FAM184B: variants seen among roughly 807,000 people sequenced by gnomAD.
The protein encoded by FAM184B is protein FAM184B.
Under a neutral mutation model 135.9 loss-of-function variants are expected in FAM184B, and 111 were observed. The observed-to-expected ratio is 0.82, with a 90% CI of 0.70 to 0.96. The LOEUF (loss-of-function observed/expected upper bound fraction) is 0.96. FAM184B is among the 40% of genes least tolerant of loss of function. The pLI, the probability that FAM184B is intolerant of heterozygous loss-of-function variation, is 0.00. For missense variants in FAM184B, 1,375 were observed against 1,323.9 expected (o/e 1.04, Z -0.60); for synonymous variants, 552 against 524.8 (o/e 1.05, Z -0.71).
intron 1 of FAM184B, 22 bp from the exon 2 acceptor site, chr4:17,709,666 C>A: frequency 6.8e-7 from 1 of 1,471,190 alleles, no homozygotes. Flanking sequence ...TCAACAGAGC[C>A]CAGTTAGGGT....
chr4:17,755,499 G>T (rs1230582294), intron 1 of FAM184B, among the ~76,000 whole-genome samples: 3 of 152,208 alleles, frequency 2.0e-5, no homozygotes, highest in Non-Finnish European at 4.4e-5. Context: ...AGACAGCGTG[G>T]TGATTCCTTA....
intron 7 of FAM184B, among the ~76,000 whole-genome samples, chr4:17,685,758 ATGC>A (rs1311620465): frequency 3.9e-5 from 6 of 151,958 alleles, no homozygotes; most frequent in African/African-American, 1.2e-4. Flanking sequence ...AAGGCCAAGG[ATGC>A]TGCTATACAT....
intron 1 of FAM184B, among the ~76,000 whole-genome samples, chr4:17,716,365 G>A (rs904242979): frequency 1.3e-5 from 2 of 151,934 alleles, no homozygotes; most frequent in African/African-American, 4.8e-5. Context: ...TGTTTTTTGA[G>A]AGACAGGGTC....
intron 7 of FAM184B, among the ~76,000 whole-genome samples, chr4:17,669,890 G>T (rs1341142259): frequency 6.6e-6 from 1 of 152,176 alleles, no homozygotes; most frequent in Non-Finnish European, 1.5e-5. Context: ...TTTATGTGAG[G>T]TCATATAGTG....
chr4:17,681,476 T>C (rs766418300), intron 7 of FAM184B, among the ~76,000 whole-genome samples: 3 of 152,214 alleles, frequency 2.0e-5, no homozygotes, highest in African/African-American at 4.8e-5. Flanking sequence ...CCTTGTTCCA[T>C]GTCAGGTGGA....
At chr4:17,765,976 T>C (rs527257380) in intron 1 of FAM184B, among the ~76,000 whole-genome samples, 3 of 152,162 alleles carry the variant, frequency 2.0e-5, no homozygotes, top group East Asian at 3.9e-4. Context: ...GGTTATTCAT[T>C]CCCCCCGGCA....
intron 10 of FAM184B, among the ~76,000 whole-genome samples, chr4:17,656,673 A>G (rs1715784055): frequency 2.0e-5 from 3 of 152,202 alleles, no homozygotes; most frequent in Admixed American, 2.0e-4. Flanking sequence ...AAGTGCTGGC[A>G]TTACAGGCGT....
At chr4:17,676,064 G>A (rs900662146) in intron 7 of FAM184B, among the ~76,000 whole-genome samples, 2 of 152,166 alleles carry the variant, frequency 1.3e-5, no homozygotes, top group Non-Finnish European at 2.9e-5. Context: ...TTCAGCACAA[G>A]ATGCCTAGCT....
intron 1 of FAM184B, among the ~76,000 whole-genome samples, chr4:17,762,551 C>A (rs1471147341): frequency 2.0e-5 from 3 of 152,196 alleles, no homozygotes; most frequent in African/African-American, 7.2e-5. Context: ...CTAAACCACA[C>A]AAGTACACTT....
At chr4:17,660,559 TC>T (rs1715893167) in intron 8 of FAM184B, among the ~76,000 whole-genome samples, 1 of 152,048 alleles carries the variant, frequency 6.6e-6, no homozygotes, top group Admixed American at 6.6e-5. Context: ...TTTACTGGTG[TC>T]CCCAAGTACA....
At chr4:17,664,253 T>C (rs1442044059) in intron 8 of FAM184B, among the ~76,000 whole-genome samples, 1 of 152,174 alleles carries the variant, frequency 6.6e-6, no homozygotes, top group East Asian at 1.9e-4. Flanking sequence ...AAAGAACACT[T>C]GGAAACATAG....
In FAM184B at chr4:17,781,229, G is replaced by T; in HGVS notation, c.71C>A (p.Ala24Asp). The part of the protein sequence containing the change: ...TCQGSKADGG[A>D]GWRMDCDPQM... ...GGGATCACAGTCCATTCTCCAGCCG[G>T]CGCCACCGTCGGCTTTGGAGCCCTG... Residue 24 changes from alanine to aspartate, a missense_variant, in exon 1 of 18, where the codon GCC becomes GAC. Ala to Asp is a moderately radical substitution (Grantham distance 126). Transcript: ENST00000265018. This position sits in a 1 kb window ranked among gnomAD's most constrained non-coding sequence, Gnocchi z 6.5. The T allele has an allele frequency of 6.4e-7, 1 of 1,550,964 alleles. No individual in the cohort carries two copies. Among genetic ancestry groups the T allele is most frequent in the South Asian group, 1.2e-5 (1 of 83,876 alleles).
At chr4:17,676,607 C>CAA (rs570369083) in intron 7 of FAM184B, among the ~76,000 whole-genome samples, 90 of 152,202 alleles carry the variant, frequency 5.9e-4, no homozygotes, top group African/African-American at 2.1e-3. Context: ...TTGCTTTATT[C>CAA]AATATTTACT....
chr4:17,689,525 T>C (rs893382207), intron 6 of FAM184B, among the ~76,000 whole-genome samples: 1 of 152,012 alleles, frequency 6.6e-6, no homozygotes, highest in Non-Finnish European at 1.5e-5. Context: ...ATGAGGGAGA[T>C]AGATAAATGT....
Position 17,639,400 on chromosome 4 carries a change from T to TG in FAM184B, c.2520-5dup, listed in dbSNP as rs1479048360. On this transcript the variant is annotated splice_region_variant and splice_polypyrimidine_tract_variant and intron_variant, in intron 13 of 17. Transcript: ENST00000265018. Reference sequence around the variant, plus strand: ...TTGCTGAGTCTCCTCCAGGAACCTGTGGTGGATGAAAGCACAGCCAGGCTT... The same window carrying TG: ...TTGCTGAGTCTCCTCCAGGAACCTGTGGGTGGATGAAAGCACAGCCAGGCTT... 6.4e-7 allele frequency: 1 copy of TG among 1,551,408 alleles called. No homozygotes were observed. Among genetic ancestry groups the TG allele is most frequent in the African/African-American group, 1.4e-5 (1 of 73,140 alleles).
chr4:17,732,462 A>G (rs946559115), intron 1 of FAM184B, among the ~76,000 whole-genome samples: 6 of 152,110 alleles, frequency 3.9e-5, no homozygotes, highest in African/African-American at 1.2e-4. Context: ...AGAAGAAAAG[A>G]GAGAAGAATC....
intron 1 of FAM184B, among the ~76,000 whole-genome samples, chr4:17,729,618 G>C (rs950477059): frequency 7.9e-5 from 12 of 152,234 alleles, no homozygotes; most frequent in African/African-American, 2.9e-4. Context: ...AGCCACCGCT[G>C]TTCTGCAGCC....
chr4:17,694,341 G>A (rs1315200956), intron 5 of FAM184B, among the ~76,000 whole-genome samples: 1 of 152,134 alleles, frequency 6.6e-6, no homozygotes, highest in Non-Finnish European at 1.5e-5. Context: ...GGCTAACACA[G>A]TGAAACCCCG....
chr4:17,743,450 A>C (rs1182096801), intron 1 of FAM184B, among the ~76,000 whole-genome samples: 2 of 152,168 alleles, frequency 1.3e-5, no homozygotes, highest in African/African-American at 4.8e-5. Flanking sequence ...GGAAGCAGGG[A>C]GACTAGTCAG....
Sources: allele counts gnomAD v4.1 joint callset (sites outside exome capture counted in the v4.1 genomes callset), GRCh38; gene constraint gnomAD v4.1.1; non-coding constraint Gnocchi (gnomAD v3.1); transcripts MANE v1.5; gene names NCBI Gene and HGNC (gene_info 2026-07-23, HGNC 2026-07-21).